The following BCLAF3 variants were observed in gnomAD, a reference collection of about 807,000 sequenced individuals.
BCLAF3 encodes transient octamer binding factor 1.
Under a neutral mutation model 51.2 loss-of-function variants are expected in BCLAF3, and 24 were observed. The observed-to-expected ratio is 0.47, with a 90% CI of 0.34 to 0.66. BCLAF3 has a LOEUF of 0.66. Ranked by LOEUF, BCLAF3 falls within the 30% of genes least tolerant of loss-of-function variation. The probability of loss-of-function intolerance (pLI) is 0.01; values close to 1 mark genes in which losing one functional copy is unlikely to be tolerated. For missense variants in BCLAF3, 465 were observed against 525.1 expected, an observed-to-expected ratio of 0.89 and a Z score of 1.12; for synonymous variants, 152 against 176.6, an observed-to-expected ratio of 0.86 and a Z score of 1.10.
chrX:19,988,747 T>C (rs1358346144), intron 1 of BCLAF3, among the ~76,000 whole-genome samples: 1 of 112,466 alleles, frequency 8.9e-6, no homozygotes, highest in Non-Finnish European at 1.9e-5. Context: ...TAACCCCTAA[T>C]GCATCACTGA....
chrX:19,969,886 G>A (rs777897894), intron 2 of BCLAF3, among the ~76,000 whole-genome samples: 4 of 112,021 alleles, frequency 3.6e-5, no homozygotes, highest in South Asian at 7.4e-4. Context: ...TTTCTAACTC[G>A]AAATTTCTTT....
chrX:19,959,551 T>C (rs2071780393), intron 4 of BCLAF3, among the ~76,000 whole-genome samples: 2 of 109,814 alleles, frequency 1.8e-5, no homozygotes, highest in South Asian at 4.0e-4. Flanking sequence ...GGCAGGAGGA[T>C]TGCTTGAGCT....
intron 1 of BCLAF3, among the ~76,000 whole-genome samples, chrX:19,984,064 C>A: frequency 1.2e-5 from 1 of 81,100 alleles, no homozygotes; most frequent in South Asian, 7.7e-4. Flanking sequence ...AAGAGCAAGA[C>A]TCCATCTCAA....
intron 8 of BCLAF3, among the ~76,000 whole-genome samples, chrX:19,941,310 C>CAT (rs895769536): frequency 1.6e-4 from 17 of 106,268 alleles, no homozygotes; most frequent in Non-Finnish European, 2.9e-4. Flanking sequence ...CTTTTGTTGC[C>CAT]ATTGCTTTTG....
chrX:19,953,659 C>T (rs1433217101), intron 6 of BCLAF3, 119 bp downstream of exon 6: 9 of 426,851 alleles, frequency 2.1e-5, no homozygotes, highest in Non-Finnish European at 3.5e-5. Context: ...GCAGGAAATG[C>T]AATCCTACAG....
intron 7 of BCLAF3, 97 bp downstream of exon 7, chrX:19,952,891 T>G: frequency 3.2e-6 from 2 of 623,835 alleles, no homozygotes; most frequent in Non-Finnish European, 5.0e-6. Context: ...TCCTTCTTCA[T>G]GTACTTTAAC....
chrX:19,988,696 C>T (rs1229911968), intron 1 of BCLAF3, among the ~76,000 whole-genome samples: 1 of 112,154 alleles, frequency 8.9e-6, no homozygotes, highest in East Asian at 2.8e-4. Flanking sequence ...TTTCAACTGA[C>T]CCTTAAAATA....
intron 1 of BCLAF3, among the ~76,000 whole-genome samples, chrX:19,986,204 T>C (rs1357758311): frequency 9.0e-6 from 1 of 111,235 alleles, no homozygotes; most frequent in African/African-American, 3.3e-5. Flanking sequence ...CCAAATAAAT[T>C]TGAAAACCCA....
intron 10 of BCLAF3, among the ~76,000 whole-genome samples, chrX:19,935,051 G>A (rs2070705231): frequency 9.1e-6 from 1 of 110,071 alleles, no homozygotes; most frequent in Non-Finnish European, 1.9e-5. Flanking sequence ...GGGCATGGTG[G>A]CACACGCCTG....
At chrX:19,974,638 T>C (rs1295558316) in intron 1 of BCLAF3, among the ~76,000 whole-genome samples, 1 of 111,375 alleles carries the variant, frequency 9.0e-6, no homozygotes, top group East Asian at 2.8e-4. Flanking sequence ...TCCCAGCACT[T>C]TGGGAGGCTG....
intron 11 of BCLAF3, among the ~76,000 whole-genome samples, chrX:19,927,465 A>G (rs938468278): frequency 8.9e-6 from 1 of 112,292 alleles, no homozygotes; most frequent in African/African-American, 3.2e-5. Flanking sequence ...TAAAGGCTTC[A>G]TAAGTGTAAG....
At chrX:19,971,535 A>C (rs1431996865) in intron 1 of BCLAF3, among the ~76,000 whole-genome samples, 1 of 112,813 alleles carries the variant, frequency 8.9e-6, no homozygotes, top group Non-Finnish European at 1.9e-5. Context: ...AGGCACTTCT[A>C]AACTTGATTT....
chrX:19,980,293 G>A (rs1158861734), intron 1 of BCLAF3, among the ~76,000 whole-genome samples: 1 of 111,855 alleles, frequency 8.9e-6, no homozygotes, highest in African/African-American at 3.3e-5. Flanking sequence ...CAAAAGAACT[G>A]GATCAGTATC....
intron 1 of BCLAF3, among the ~76,000 whole-genome samples, chrX:19,981,664 A>T (rs1357888250): frequency 8.9e-6 from 1 of 112,510 alleles, no homozygotes. Flanking sequence ...ACTACACTAT[A>T]CAATGGAATA....
intron 11 of BCLAF3, among the ~76,000 whole-genome samples, chrX:19,924,346 G>A (rs1437959323): frequency 9.0e-6 from 1 of 111,409 alleles, no homozygotes; most frequent in Non-Finnish European, 1.9e-5. Flanking sequence ...TGGAGGAAGA[G>A]AAAACCAAAT....
At chrX:19,987,007 T>C (rs948102784) in intron 1 of BCLAF3, among the ~76,000 whole-genome samples, 45 of 110,120 alleles carry the variant, frequency 4.1e-4, no homozygotes, top group African/African-American at 1.5e-3. Flanking sequence ...GGTCTTGCTA[T>C]GTTGCCAGGG....
intron 1 of BCLAF3, among the ~76,000 whole-genome samples, chrX:19,985,459 G>A (rs772142632): frequency 3.6e-4 from 40 of 109,899 alleles, no homozygotes; most frequent in Non-Finnish European, 5.3e-4. Context: ...GGTGGCACAC[G>A]CCTGTAGTCC....
chrX:19,945,989 T>C (rs1433571108), intron 8 of BCLAF3, among the ~76,000 whole-genome samples: 4 of 109,551 alleles, frequency 3.7e-5, no homozygotes, highest in African/African-American at 1.3e-4. Context: ...CGCCGTTTTT[T>C]AAGCCGGTCT....
chrX:19,973,322 TA>T (rs1334876991), intron 1 of BCLAF3, among the ~76,000 whole-genome samples: 1 of 111,984 alleles, frequency 8.9e-6, no homozygotes, highest in Non-Finnish European at 1.9e-5. Flanking sequence ...AAACTTGTTT[TA>T]AAAAATAATT....
Sources: gnomAD v4.1 joint callset for allele counts (sites outside exome capture counted in the v4.1 genomes callset) on GRCh38, gnomAD v4.1.1 for gene constraint, MANE v1.5 for transcripts, NCBI Gene and HGNC (gene_info 2026-07-23, HGNC 2026-07-21) for gene names.